TPD52: variants seen among roughly 807,000 people sequenced by gnomAD.
TPD52 encodes prostate and colon associated protein.
TPD52 carries 17 observed loss-of-function variants against 31.3 expected under a neutral mutation model. The observed-to-expected ratio is 0.54, with a 90% CI of 0.37 to 0.82. TPD52 has a LOEUF of 0.82. Ranked by LOEUF, TPD52 falls within the 40% of genes least tolerant of loss-of-function variation. The pLI is 0.00. For missense variants in TPD52, 212 were observed against 240.1 expected, an observed-to-expected ratio of 0.88 and a Z score of 0.77; for synonymous variants, 83 against 89.6, an observed-to-expected ratio of 0.93 and a Z score of 0.42.
chr8:80,150,747 T>C (rs1810515840), intron 1 of TPD52, among the ~76,000 whole-genome samples: 1 of 152,210 alleles, frequency 6.6e-6, no homozygotes, highest in African/African-American at 2.4e-5. Context: ...GGAATGGCTG[T>C]ATTTACCCAA....
chr8:80,044,818 TTTG>T (rs1810690019), intron 5 of TPD52, among the ~76,000 whole-genome samples: 1 of 152,202 alleles, frequency 6.6e-6, no homozygotes, highest in African/African-American at 2.4e-5. Context: ...CTTATAATAG[TTTG>T]ACCACTGGCA....
chr8:80,132,874 A>G (rs1042900827), intron 1 of TPD52, among the ~76,000 whole-genome samples: 8 of 152,172 alleles, frequency 5.3e-5, no homozygotes, highest in Admixed American at 5.2e-4. Context: ...CAATGGCTGG[A>G]AGAAAGGAAG....
intron 1 of TPD52, chr8:80,171,213 A>C: frequency 1.4e-6 from 1 of 708,410 alleles, no homozygotes; most frequent in East Asian, 2.7e-5. Context: ...TCACACTCAC[A>C]CATGCAGTCC....
chr8:80,127,744 CTA>C (rs1438954483), intron 1 of TPD52: 2 of 149,490 alleles, frequency 1.3e-5, no homozygotes, highest in African/African-American at 4.9e-5. Context: ...ATCCTATAAT[CTA>C]GAACCTGACA....
intron 1 of TPD52, among the ~76,000 whole-genome samples, chr8:80,098,991 G>A (rs776561493): frequency 5.9e-5 from 9 of 152,178 alleles, no homozygotes; most frequent in Non-Finnish European, 1.3e-4. Context: ...TGGCAATAAA[G>A]TATTTTTAAA....
rs142461552 is a variant in TPD52 at position 80,161,339 on chromosome 8, T to C, written c.19+10086A>G. ...TTTAGAACATATATTCCTATCTCCC[T>C]GCCAAACCATGTTCCTTCTTTAATT... On this transcript the variant is annotated intron_variant, in intron 1 of 7. Transcript: ENST00000518937. 7.2e-4 allele frequency among the ~76,000 whole-genome samples: 110 copies of C among 152,352 alleles called. No homozygotes were observed. The East Asian group carries it at 0.014, about 19-fold the overall frequency.
At chr8:80,092,508 T>C (rs370413215) in intron 1 of TPD52, among the ~76,000 whole-genome samples, 2 of 152,182 alleles carry the variant, frequency 1.3e-5, no homozygotes, top group African/African-American at 4.8e-5. Flanking sequence ...ACAATAGCAA[T>C]GATATGGAAT....
intron 1 of TPD52, among the ~76,000 whole-genome samples, chr8:80,094,301 T>TC (rs1202574208): frequency 6.6e-6 from 1 of 151,266 alleles, no homozygotes; most frequent in African/African-American, 2.4e-5. Context: ...TTACTTAATA[T>TC]GGCCAGGAAT....
chr8:80,160,446 T>C (rs1221936068), intron 1 of TPD52, among the ~76,000 whole-genome samples: 2 of 152,188 alleles, frequency 1.3e-5, no homozygotes, highest in Non-Finnish European at 2.9e-5. Flanking sequence ...GGTATCATCG[T>C]CATCATTCTC....
At chr8:80,100,370 G>A (rs893556950) in intron 1 of TPD52, among the ~76,000 whole-genome samples, 1 of 152,144 alleles carries the variant, frequency 6.6e-6, no homozygotes, top group African/African-American at 2.4e-5. Context: ...TTTACAGATT[G>A]TACTCTGCTG....
chr8:80,057,463 T>C (rs1812021376), intron 2 of TPD52, among the ~76,000 whole-genome samples: 1 of 152,176 alleles, frequency 6.6e-6, no homozygotes, highest in Non-Finnish European at 1.5e-5. Flanking sequence ...GTGGTACATA[T>C]ACATCATGGA....
chr8:80,085,545 T>C (rs879657776), intron 1 of TPD52, among the ~76,000 whole-genome samples: 1 of 151,968 alleles, frequency 6.6e-6, no homozygotes, highest in Non-Finnish European at 1.5e-5. Flanking sequence ...AGACGTGTCA[T>C]GGTGATACAG....
intron 5 of TPD52, among the ~76,000 whole-genome samples, chr8:80,049,028 T>C (rs1415478465): frequency 6.6e-6 from 1 of 152,194 alleles, no homozygotes; most frequent in Non-Finnish European, 1.5e-5. Flanking sequence ...CATATCTAGG[T>C]ATGGCTTTAA....
chr8:80,107,989 T>C (rs1408530189), intron 1 of TPD52, among the ~76,000 whole-genome samples: 1 of 152,118 alleles, frequency 6.6e-6, no homozygotes, highest in Non-Finnish European at 1.5e-5. Context: ...ACGTCAGTCA[T>C]GGAAGTAAAA....
intron 1 of TPD52, chr8:80,080,617 T>G: frequency 1.5e-6 from 2 of 1,376,424 alleles, no homozygotes; most frequent in Non-Finnish European, 1.9e-6. Context: ...CATTTCCTTT[T>G]GGGAGCCTTC....
intron 6 of TPD52, 73 bp downstream of exon 6, chr8:80,044,094 A>G: frequency 7.8e-7 from 1 of 1,285,114 alleles, no homozygotes; most frequent in South Asian, 1.3e-5. Flanking sequence ...AATTCAGAAC[A>G]GTTCAAGTTA....
At chr8:80,090,048 G>T (rs1816131315) in intron 1 of TPD52, among the ~76,000 whole-genome samples, 1 of 152,134 alleles carries the variant, frequency 6.6e-6, no homozygotes, top group African/African-American at 2.4e-5. Context: ...AGCAGAAGTG[G>T]TAGGCAGTGG....
intron 1 of TPD52, among the ~76,000 whole-genome samples, chr8:80,138,983 T>C (rs1216667258): frequency 1.3e-5 from 2 of 152,170 alleles, no homozygotes; most frequent in Non-Finnish European, 2.9e-5. Context: ...GGGGTCTTCT[T>C]CCTCCAGTGC....
intron 1 of TPD52, among the ~76,000 whole-genome samples, chr8:80,127,371 G>C (rs1168727014): frequency 1.3e-5 from 2 of 152,116 alleles, no homozygotes; most frequent in Admixed American, 1.3e-4. Context: ...TTGATAATTT[G>C]ACAATCATTG....
Sources: allele counts gnomAD v4.1 joint callset (sites outside exome capture counted in the v4.1 genomes callset), GRCh38; gene constraint gnomAD v4.1.1; transcripts MANE v1.5; gene names NCBI Gene and HGNC (gene_info 2026-07-23, HGNC 2026-07-21).